Variants in EPB41L5 observed in about 807,000 individuals in gnomAD.
EPB41L5 encodes the protein band 4.1-like protein 5.
EPB41L5 carries 55 observed loss-of-function variants against 106.6 expected under a neutral mutation model. The observed-to-expected ratio is 0.52, with a 90% CI of 0.42 to 0.65. The LOEUF is 0.65. Among genes scored for constraint, EPB41L5 ranks in the 30% least tolerant of loss-of-function variants. The pLI is 0.00. For synonymous variants in EPB41L5, 297 were observed against 306.7 expected, an observed-to-expected ratio of 0.97 and a Z score of 0.33; for missense variants, 871 against 882.1, an observed-to-expected ratio of 0.99 and a Z score of 0.16.
At chr2:120,097,368 A>G (rs189646784) in intron 14 of EPB41L5, among the ~76,000 whole-genome samples, 16 of 152,306 alleles carry the variant, frequency 1.1e-4, no homozygotes, top group East Asian at 1.9e-4. Context: ...GTTTTGCTCT[A>G]TTGAACCATG....
At chr2:120,023,815 CATGGA>C (rs1304978036) in intron 2 of EPB41L5, among the ~76,000 whole-genome samples, 15 of 152,284 alleles carry the variant, frequency 9.9e-5, no homozygotes, top group East Asian at 7.7e-4. Context: ...TACCCATGAG[CATGGA>C]ATGTTTTCCA....
intron 16 of EPB41L5, 126 bp from the exon 17 acceptor site, chr2:120,127,562 T>C: frequency 1.4e-6 from 1 of 695,882 alleles, no homozygotes; most frequent in East Asian, 2.7e-5. Context: ...ATTTTTGTTT[T>C]ATTTTTGATT....
chr2:120,084,417 GA>G (rs1227905618), intron 10 of EPB41L5, among the ~76,000 whole-genome samples: 1 of 152,166 alleles, frequency 6.6e-6, no homozygotes, highest in Non-Finnish European at 1.5e-5. Context: ...ATTCTGGGTT[GA>G]AAATTCTTTT....
At chr2:120,130,189 A>AT (rs1381655904) in intron 17 of EPB41L5, among the ~76,000 whole-genome samples, 1 of 150,978 alleles carries the variant, frequency 6.6e-6, no homozygotes, top group Non-Finnish European at 1.5e-5. Flanking sequence ...TGAGCACCTC[A>AT]TTACAGAAAG....
intron 24 of EPB41L5, among the ~76,000 whole-genome samples, chr2:120,172,720 A>G (rs987372275): frequency 2.6e-5 from 4 of 152,254 alleles, no homozygotes; most frequent in African/African-American, 9.6e-5. Flanking sequence ...GGCAGTAGAG[A>G]GGTGCAGGGA....
intron 20 of EPB41L5, among the ~76,000 whole-genome samples, chr2:120,150,879 A>G (rs752009028): frequency 5.3e-5 from 8 of 152,172 alleles, no homozygotes; most frequent in Admixed American, 1.3e-4. Context: ...GACGAAGTCT[A>G]ATTTATCTAC....
At chr2:120,033,781 T>C (rs1016601355) in intron 2 of EPB41L5, among the ~76,000 whole-genome samples, 6 of 151,996 alleles carry the variant, frequency 3.9e-5, no homozygotes, top group Admixed American at 1.3e-4. Flanking sequence ...CAATTACTTT[T>C]GTACCAACCT....
At chr2:120,063,712 G>C (rs1327822735) in intron 3 of EPB41L5, among the ~76,000 whole-genome samples, 1 of 152,182 alleles carries the variant, frequency 6.6e-6, no homozygotes, top group Non-Finnish European at 1.5e-5. Context: ...TTGTGAGGCC[G>C]AGAGGGGCGG....
chr2:120,090,365 A>G lies in EPB41L5; in HGVS notation c.892A>G (p.Thr298Ala). The change falls in exon 12 of 25, where the codon ACA becomes GCA. Residue 298 changes from threonine to alanine, a missense_variant. Coordinates refer to ENST00000263713, the MANE Select transcript of EPB41L5 (RefSeq NM_020909.4). ...TTTTCAGGGCAAAGAACAGGAACAT[A>G]CATTTGTCTTTAGACTGGATCATCC... The part of the protein sequence containing the change: ...DDDQGKEQEH[T>A]FVFRLDHPKA... 1 of 1,608,456 alleles carries G rather than the reference A, an allele frequency of 6.2e-7. No homozygotes were observed. Among genetic ancestry groups the G allele is most frequent in the Non-Finnish European group, 8.5e-7 (1 of 1,178,466 alleles).
At chr2:120,081,154 TTTGG>T (rs1470664736) in intron 10 of EPB41L5, among the ~76,000 whole-genome samples, 1 of 152,208 alleles carries the variant, frequency 6.6e-6, no homozygotes, top group Non-Finnish European at 1.5e-5. Flanking sequence ...TGCCATTGCT[TTTGG>T]TGTTTTAGAC....
intron 10 of EPB41L5, among the ~76,000 whole-genome samples, chr2:120,080,039 T>C (rs1331867310): frequency 6.6e-6 from 1 of 152,184 alleles, no homozygotes; most frequent in East Asian, 1.9e-4. Context: ...TATTCTTTCT[T>C]GATAATTAGG....
chr2:120,032,311 G>A (rs183898549), intron 2 of EPB41L5, among the ~76,000 whole-genome samples: 454 of 152,280 alleles, frequency 3.0e-3, no homozygotes, highest in South Asian at 8.3e-3. Flanking sequence ...CTGGAAGATG[G>A]AGGTTGCAGT....
chr2:120,031,409 G>GA (rs1421360804), intron 2 of EPB41L5, among the ~76,000 whole-genome samples: 1 of 152,208 alleles, frequency 6.6e-6, no homozygotes, highest in African/African-American at 2.4e-5. Context: ...GGCTGGATCT[G>GA]AAAGAGGTGG....
intron 3 of EPB41L5, among the ~76,000 whole-genome samples, chr2:120,062,466 T>C (rs1681147818): frequency 6.6e-6 from 1 of 152,182 alleles, no homozygotes; most frequent in Admixed American, 6.5e-5. Flanking sequence ...TCCTTGTCAG[T>C]ATTCTGGATT....
At chr2:120,057,895 A>C (rs1374562530) in intron 3 of EPB41L5, among the ~76,000 whole-genome samples, 1 of 152,052 alleles carries the variant, frequency 6.6e-6, no homozygotes, top group Non-Finnish European at 1.5e-5. Flanking sequence ...TTTAATTTTG[A>C]TATTGAGTGG....
intron 18 of EPB41L5, among the ~76,000 whole-genome samples, chr2:120,136,202 GTTACAAGATGGTAT>G (rs1685917997): frequency 1.4e-5 from 2 of 141,786 alleles, no homozygotes; most frequent in Admixed American, 7.1e-5. Flanking sequence ...AAAATAACAT[GTTACAAGATGGTAT>G]TTGCAAACCT....
At chr2:120,088,550 AC>A (rs1683215927) in intron 11 of EPB41L5, among the ~76,000 whole-genome samples, 1 of 152,160 alleles carries the variant, frequency 6.6e-6, no homozygotes, top group African/African-American at 2.4e-5. Context: ...ACACGTGTTT[AC>A]CTATGTAACA....
intron 2 of EPB41L5, among the ~76,000 whole-genome samples, chr2:120,037,868 C>T (rs1227964378): frequency 6.6e-6 from 1 of 152,140 alleles, no homozygotes; most frequent in African/African-American, 2.4e-5. Context: ...CAGACCTTTT[C>T]CTTATACCAT....
chr2:120,021,816 T>A (rs1407463455), intron 2 of EPB41L5, among the ~76,000 whole-genome samples: 1 of 152,212 alleles, frequency 6.6e-6, no homozygotes, highest in South Asian at 2.1e-4. Context: ...TGATTTCCCC[T>A]TTTCAGATTT....
Sources: gnomAD v4.1 joint callset for allele counts (sites outside exome capture counted in the v4.1 genomes callset) on GRCh38, gnomAD v4.1.1 for gene constraint, MANE v1.5 for transcripts, NCBI Gene and HGNC (gene_info 2026-07-23, HGNC 2026-07-21) for gene names.